Variants in PCED1B observed in about 807,000 individuals in gnomAD.
The protein encoded by PCED1B is PC-esterase domain containing 1B, also known as PC-esterase domain-containing protein 1B.
For missense variants in PCED1B, 573 were observed against 573.9 expected, an observed-to-expected ratio of 1.00 and a Z score of 0.02; for synonymous variants, 251 against 246.1, an observed-to-expected ratio of 1.02 and a Z score of -0.19.
chr12:47,142,585 T>C (rs1232850399), intron 2 of PCED1B, among the ~76,000 whole-genome samples: 3 of 150,862 alleles, frequency 2.0e-5, no homozygotes, highest in Non-Finnish European at 4.4e-5. Context: ...AAACAATCCA[T>C]AAACAAAATG....
chr12:47,152,776 CA>C (rs1467524118), intron 2 of PCED1B, among the ~76,000 whole-genome samples: 1 of 151,728 alleles, frequency 6.6e-6, no homozygotes, highest in African/African-American at 2.4e-5. Context: ...ACTAAAAATA[CA>C]AAAAAACATT....
chr12:47,144,489 G>T (rs1940713508), intron 2 of PCED1B, among the ~76,000 whole-genome samples: 1 of 151,980 alleles, frequency 6.6e-6, no homozygotes, highest in South Asian at 2.1e-4. Context: ...TCTTCACATG[G>T]CCAGGTTGAA....
chr12:47,150,412 A>T (rs916306589), intron 2 of PCED1B, among the ~76,000 whole-genome samples: 1 of 149,884 alleles, frequency 6.7e-6, no homozygotes, highest in Non-Finnish European at 1.5e-5. Context: ...TGTCTCTACT[A>T]AAAAAAAATA....
intron 2 of PCED1B, among the ~76,000 whole-genome samples, chr12:47,183,164 C>A (rs1942149896): frequency 1.3e-5 from 2 of 151,876 alleles, no homozygotes; most frequent in South Asian, 2.1e-4. Flanking sequence ...GAACTTTTGC[C>A]AATTAGGGAA....
chr12:47,222,434 AAAAAAAAAAAG>A (rs1395802403), intron 3 of PCED1B, among the ~76,000 whole-genome samples: 2 of 151,112 alleles, frequency 1.3e-5, no homozygotes, highest in East Asian at 1.9e-4. Context: ...AAAAAAAAAA[AAAAAAAAAAAG>A]AGAGAGAATT....
At chr12:47,123,655 A>G (rs762068434) in intron 2 of PCED1B, among the ~76,000 whole-genome samples, 2 of 152,078 alleles carry the variant, frequency 1.3e-5, no homozygotes, top group Non-Finnish European at 2.9e-5. Context: ...GCAAGAACAA[A>G]AGTTGAATAT....
intron 2 of PCED1B, among the ~76,000 whole-genome samples, chr12:47,105,608 A>G (rs1219615277): frequency 1.3e-5 from 2 of 152,174 alleles, no homozygotes; most frequent in African/African-American, 4.8e-5. Flanking sequence ...CTATATGATT[A>G]TGTGCAGAGG....
At position 47,103,396 on chromosome 12, in the gene PCED1B, G is replaced by A. The variant is rs192604383; in HGVS notation, c.-608-717G>A. ...AAATGTTACGGGAAAGATGCGCACT[G>A]CAGCAGGGCCTGGAATGTGGCTCCC... is the stretch of plus-strand genomic sequence containing the variant. On this transcript the variant is annotated intron_variant, in intron 1 of 3. Transcript: ENST00000546455. Among the ~76,000 whole-genome samples the A allele has an allele frequency of 3.3e-5, 5 of 152,322 alleles. No homozygotes were observed. In the East Asian group the frequency reaches 9.6e-4, roughly 29 times the overall value.
At chr12:47,215,039 G>C (rs1159716649) in intron 2 of PCED1B, among the ~76,000 whole-genome samples, 1 of 149,764 alleles carries the variant, frequency 6.7e-6, no homozygotes, top group Non-Finnish European at 1.5e-5. Flanking sequence ...GGAACCTGGG[G>C]GTGGTATATT....
chr12:47,158,469 A>G (rs908297647), intron 2 of PCED1B, among the ~76,000 whole-genome samples: 2 of 152,098 alleles, frequency 1.3e-5, no homozygotes, highest in African/African-American at 4.8e-5. Flanking sequence ...AAATGCCTAT[A>G]AAGTCTTTTG....
intron 2 of PCED1B, among the ~76,000 whole-genome samples, chr12:47,175,888 AT>A (rs1941908508): frequency 6.7e-6 from 1 of 149,954 alleles, no homozygotes; most frequent in Non-Finnish European, 1.5e-5. Flanking sequence ...TTTATTTTTA[AT>A]TTTATTTCTT....
intron 2 of PCED1B, among the ~76,000 whole-genome samples, chr12:47,165,390 A>G (rs1941512935): frequency 6.6e-6 from 1 of 152,194 alleles, no homozygotes; most frequent in Non-Finnish European, 1.5e-5. Flanking sequence ...CATTTTTGTC[A>G]GCTTTATAAA....
intron 3 of PCED1B, among the ~76,000 whole-genome samples, chr12:47,233,096 G>A (rs1334414674): frequency 6.6e-6 from 1 of 152,016 alleles, no homozygotes; most frequent in Non-Finnish European, 1.5e-5. Context: ...TATAAAGATG[G>A]GGTTTTGCCA....
At chr12:47,162,375 GA>G (rs1190184423) in intron 2 of PCED1B, among the ~76,000 whole-genome samples, 1 of 151,986 alleles carries the variant, frequency 6.6e-6, no homozygotes, top group Non-Finnish European at 1.5e-5. Context: ...TTTCTATAAA[GA>G]AATACCTGAG....
At chr12:47,232,940 T>C (rs938151995) in intron 3 of PCED1B, among the ~76,000 whole-genome samples, 1 of 149,196 alleles carries the variant, frequency 6.7e-6, no homozygotes, top group African/African-American at 2.5e-5. Context: ...TTTATTTATT[T>C]ATTTAATTTA....
At chr12:47,133,763 G>A (rs976423550) in intron 2 of PCED1B, among the ~76,000 whole-genome samples, 1 of 152,156 alleles carries the variant, frequency 6.6e-6, no homozygotes, top group Non-Finnish European at 1.5e-5. Context: ...GTTATGGACT[G>A]AATGTTTCTG....
chr12:47,172,084 A>G (rs572882914), intron 2 of PCED1B, among the ~76,000 whole-genome samples: 1 of 152,240 alleles, frequency 6.6e-6, no homozygotes, highest in East Asian at 1.9e-4. Flanking sequence ...TGCTGACTTG[A>G]ATAAATCTAA....
intron 2 of PCED1B, among the ~76,000 whole-genome samples, chr12:47,162,088 G>A (rs1941400877): frequency 6.7e-6 from 1 of 150,010 alleles, no homozygotes; most frequent in Non-Finnish European, 1.5e-5. Context: ...ACAGGAAGGG[G>A]AACATCACAC....
At chr12:47,172,340 CT>C (rs34230051) in intron 2 of PCED1B, among the ~76,000 whole-genome samples, 1,816 of 78,358 alleles carry the variant, frequency 0.023, 22 homozygotes, top group African/African-American at 0.07. Context: ...TCGTGGGTTG[CT>C]TTTTTTTTTT....
Sources: gnomAD v4.1 joint callset for allele counts (sites outside exome capture counted in the v4.1 genomes callset) on GRCh38, gnomAD v4.1.1 for gene constraint, MANE v1.5 for transcripts, NCBI Gene and HGNC (gene_info 2026-07-23, HGNC 2026-07-21) for gene names.